PRRT1B: variants seen among roughly 807,000 people sequenced by gnomAD.
PRRT1B encodes the protein proline rich transmembrane protein 1B.
Position 131,556,471 on chromosome 9 carries a change from C to G in PRRT1B, c.642+258C>G, listed in dbSNP as rs533983168. Among the ~76,000 whole-genome samples the G allele has an allele frequency of 1.4e-4, 21 of 152,284 alleles. No homozygotes were observed. The South Asian group carries it at 4.4e-3, about 32-fold the overall frequency. ...TAAAGCTGTGAATGACTGATAAGACCCAATGTGCTGCCCATTCCAGTGGAG... is the reference window on the plus strand; with the variant it reads ...TAAAGCTGTGAATGACTGATAAGACGCAATGTGCTGCCCATTCCAGTGGAG... On this transcript the variant is annotated intron_variant, in intron 3 of 3. Transcript: ENST00000636672.
At chr9:131,553,537 T>C (rs1588550726) in intron 1 of PRRT1B, among the ~76,000 whole-genome samples, 1 of 152,182 alleles carries the variant, frequency 6.6e-6, no homozygotes, top group African/African-American at 2.4e-5. Context: ...GCCCAGGGGC[T>C]CATCATTCCC....
chr9:131,554,980 C>A (rs1588551505), exon 2 of PRRT1B: 1 of 393,438 alleles, frequency 2.5e-6, no homozygotes. Context: ...GCGCCCACGC[C>A]GCCCGCGCTC....
At chr9:131,553,452 C>T (rs1951025168) in intron 1 of PRRT1B, among the ~76,000 whole-genome samples, 1 of 152,216 alleles carries the variant, frequency 6.6e-6, no homozygotes. Context: ...GAGGTATAAA[C>T]AGCGTGGCAG....
chr9:131,549,982 C>T (rs138609521), intron 1 of PRRT1B, among the ~76,000 whole-genome samples: 29 of 152,262 alleles, frequency 1.9e-4, no homozygotes, highest in African/African-American at 6.5e-4. Flanking sequence ...TATCTCCCCA[C>T]CTTAATCCAC....
chr9:131,546,724 T>G (rs1219119941), intron 1 of PRRT1B, among the ~76,000 whole-genome samples: 6 of 146,288 alleles, frequency 4.1e-5, no homozygotes, highest in African/African-American at 1.5e-4. Context: ...GAGGCTCCGG[T>G]GTCAAGAGCC....
exon 2 of PRRT1B, chr9:131,554,898 C>A (rs1182046171): frequency 2.6e-6 from 1 of 383,686 alleles, no homozygotes; most frequent in East Asian, 3.7e-5. Flanking sequence ...CCCGCCCTTC[C>A]CGCAGGTGCC....
intron 1 of PRRT1B, among the ~76,000 whole-genome samples, chr9:131,550,241 C>G (rs1259699335): frequency 1.3e-5 from 2 of 152,154 alleles, no homozygotes; most frequent in Non-Finnish European, 2.9e-5. Flanking sequence ...TTTGTCTATC[C>G]ACCCCGTGAT....
rs536118407 is a variant in PRRT1B at position 131,558,016 on chromosome 9, C to T, written c.643-37C>T. On this transcript the variant is annotated intron_variant, in intron 3 of 3. Coordinates refer to ENST00000636672, the Ensembl canonical transcript of PRRT1B. ...TGGGAGGGAGTGGGGGCTCCCTGTTCGCTCCCACCGCCCCCTCCTGCCCTG... is the reference window on the plus strand; with the variant it reads ...TGGGAGGGAGTGGGGGCTCCCTGTTTGCTCCCACCGCCCCCTCCTGCCCTG... 2.3e-3 allele frequency: 921 copies of T among 398,694 alleles called. 4 individuals are homozygous for T. Among genetic ancestry groups the T allele is most frequent in the Non-Finnish European group, 3.2e-3 (722 of 226,098 alleles). 24.7% of individuals were successfully genotyped at this position (398,694 alleles called of 1,614,324 possible). A position where few individuals can be genotyped will look rare whatever the true frequency, so the allele number is the denominator to read the frequency against.
At chr9:131,557,607 C>G (rs1951058938) in intron 3 of PRRT1B, among the ~76,000 whole-genome samples, 1 of 152,220 alleles carries the variant, frequency 6.6e-6, no homozygotes, top group Non-Finnish European at 1.5e-5. Context: ...GGACTCAGCC[C>G]TGGCTTGACT....
Position 131,551,302 on chromosome 9 carries a change from G to C in PRRT1B, c.26-3255G>C, listed in dbSNP as rs55766450. Among the ~76,000 whole-genome samples, 1 of 151,650 alleles carries C rather than the reference G, an allele frequency of 6.6e-6. No homozygotes were observed. The highest frequency in any genetic ancestry group is 6.6e-5 in the Admixed American group (1 of 15,214). On this transcript the variant is annotated intron_variant, in intron 1 of 3. Coordinates refer to ENST00000636672, the Ensembl canonical transcript of PRRT1B. This position sits in a 1 kb window ranked among gnomAD's most constrained non-coding sequence, Gnocchi z 4.4. ...CAGGCCATCACCAATCATTCTATACGACAAATGCTCCTTCTAACAACCCCA... is the reference window on the plus strand; with the variant it reads ...CAGGCCATCACCAATCATTCTATACCACAAATGCTCCTTCTAACAACCCCA...
chr9:131,550,416 C>T (rs1372829019), intron 1 of PRRT1B, among the ~76,000 whole-genome samples: 2 of 152,170 alleles, frequency 1.3e-5, no homozygotes, highest in Non-Finnish European at 2.9e-5. Context: ...CAGCAAATTA[C>T]GTGCGCTGTA....
At chr9:131,546,190 G>A (rs1156946104) in intron 1 of PRRT1B, among the ~76,000 whole-genome samples, 2 of 152,120 alleles carry the variant, frequency 1.3e-5, no homozygotes, top group African/African-American at 2.4e-5. Flanking sequence ...CAGGGGAGTG[G>A]GCGACCCTGG....
rs113750958 is a variant in PRRT1B at position 131,551,724 on chromosome 9, C to G, written c.26-2833C>G. On this transcript the variant is annotated intron_variant, in intron 1 of 3. Transcript: ENST00000636672. This position sits in a 1 kb window ranked among gnomAD's most constrained non-coding sequence, Gnocchi z 4.4. ...TCATCCTGGCTCAAAAGCTCCCCCA[C>G]TGAGCACCTTGTGACCCCCACTCCT... Among the ~76,000 whole-genome samples the G allele has an allele frequency of 4.6e-5, 7 of 151,798 alleles. No individual in the cohort carries two copies. The highest frequency in any genetic ancestry group is 1.7e-4 in the African/African-American group (7 of 41,196).
chr9:131,552,387 G>A (rs940793279), intron 1 of PRRT1B, among the ~76,000 whole-genome samples: 1 of 152,240 alleles, frequency 6.6e-6, no homozygotes, highest in Non-Finnish European at 1.5e-5. Context: ...CATCTGCTGA[G>A]TGTCTTTTCC....
intron 1 of PRRT1B, among the ~76,000 whole-genome samples, chr9:131,548,820 C>T (rs1003566557): frequency 2.6e-5 from 4 of 152,190 alleles, no homozygotes; most frequent in South Asian, 2.1e-4. Context: ...TCCTCACACC[C>T]GGTCTGGCTT....
rs946507451 is a variant in PRRT1B at position 131,551,691 on chromosome 9, CTCCTGGCTCA to C, written c.26-2855_26-2846del. Among the ~76,000 whole-genome samples the C allele has an allele frequency of 6.6e-6, 1 of 152,144 alleles. No individual in the cohort carries two copies. Among genetic ancestry groups the C allele is most frequent in the African/African-American group, 2.4e-5 (1 of 41,428 alleles). On this transcript the variant is annotated intron_variant, in intron 1 of 3. Coordinates refer to ENST00000636672, the Ensembl canonical transcript of PRRT1B. This position sits in a 1 kb window ranked among gnomAD's most constrained non-coding sequence, Gnocchi z 4.4. The stretch of plus-strand genomic sequence containing the variant: ...ATGACATTACCTTGTGAAATTCCTT[CTCCTGGCTCA>C]TCCTGGCTCAAAAGCTCCCCCACTG...
chr9:131,549,515 C>A (rs1305514052), intron 1 of PRRT1B, among the ~76,000 whole-genome samples: 1 of 152,204 alleles, frequency 6.6e-6, no homozygotes, highest in South Asian at 2.1e-4. Context: ...CCAAGGCTGT[C>A]TCACTGACTC....
chr9:131,552,179 G>A (rs1951016520), intron 1 of PRRT1B, among the ~76,000 whole-genome samples: 1 of 152,180 alleles, frequency 6.6e-6, no homozygotes, highest in Non-Finnish European at 1.5e-5. Context: ...TTTGTCACAT[G>A]CCACTTCCCC....
At chr9:131,547,323 T>A (rs919853070) in intron 1 of PRRT1B, among the ~76,000 whole-genome samples, 4 of 152,032 alleles carry the variant, frequency 2.6e-5, no homozygotes, top group African/African-American at 7.3e-5. Flanking sequence ...ACAAAAGAAG[T>A]GGAAATGGCC....
Sources: gnomAD v4.1 joint callset for allele counts (sites outside exome capture counted in the v4.1 genomes callset) on GRCh38, gnomAD v4.1.1 for gene constraint, Gnocchi (gnomAD v3.1) non-coding constraint, MANE v1.5 for transcripts, NCBI Gene and HGNC (gene_info 2026-07-23, HGNC 2026-07-21) for gene names.